Variants in TMCO4 observed in about 807,000 individuals in gnomAD.
The protein encoded by TMCO4 is transmembrane and coiled-coil domain-containing protein 4.
A neutral mutation model predicts 64.7 loss-of-function variants in TMCO4; 58 were observed. The observed-to-expected ratio is 0.90, with a 90% CI of 0.73 to 1.12. The LOEUF is 1.12. TMCO4 is among the 50% of genes most tolerant of loss of function. TMCO4 has a pLI of 0.00. For missense variants in TMCO4, 780 were observed against 825.9 expected, an observed-to-expected ratio of 0.94 and a Z score of 0.68; for synonymous variants, 325 against 346.1, an observed-to-expected ratio of 0.94 and a Z score of 0.68.
At position 19,700,767 on chromosome 1, in the gene TMCO4, C is replaced by T; in HGVS notation, c.1382+1G>A. On this transcript the variant is annotated splice_donor_variant, in intron 14 of 15. Transcript: ENST00000294543. LOFTEE classifies it high-confidence loss of function. ...CCCGCTGGCACGAGGTTTGGACAGACCTGCAGTAGCCGTTGATGATCCTCC... is the reference window on the plus strand; with the variant it reads ...CCCGCTGGCACGAGGTTTGGACAGATCTGCAGTAGCCGTTGATGATCCTCC... 6.2e-7 allele frequency: 1 copy of T among 1,613,736 alleles called. No homozygotes were observed. The highest frequency in any genetic ancestry group is 8.5e-7 in the Non-Finnish European group (1 of 1,179,614).
chr1:19,797,998 GAAAAGA>G (rs2044417844), intron 2 of TMCO4, 133 bp downstream of exon 2: 1 of 177,756 alleles, frequency 5.6e-6, no homozygotes, highest in South Asian at 1.4e-4. Flanking sequence ...GAAAAGAAAA[GAAAAGA>G]AAAGAAAAGA....
intron 3 of TMCO4, among the ~76,000 whole-genome samples, chr1:19,781,144 C>CAAAAAA (rs535767635): frequency 2.3e-4 from 12 of 52,590 alleles, no homozygotes; most frequent in Non-Finnish European, 3.4e-4. Context: ...GACTCCATCT[C>CAAAAAA]AAAAAAAAAA....
intron 2 of TMCO4, among the ~76,000 whole-genome samples, chr1:19,789,832 C>T (rs149694262): frequency 1.3e-4 from 20 of 152,110 alleles, no homozygotes; most frequent in African/African-American, 4.8e-4. Flanking sequence ...GCAGGTGGAT[C>T]TCTTGAGCCC....
rs911666861 is a variant in TMCO4 at position 19,732,793 on chromosome 1, G to A, written c.1264+4579C>T. On this transcript the variant is annotated intron_variant, in intron 13 of 15. Coordinates refer to ENST00000294543, the MANE Select transcript of TMCO4 (RefSeq NM_181719.7). This position sits in a 1 kb window ranked among gnomAD's most constrained non-coding sequence, Gnocchi z 4.8. ...CTTTTTTCTGAAGGTGACTACAGGG[G>A]GAAAATGCCAGCTGCACTTTTGTCC... 5.9e-5 allele frequency among the ~76,000 whole-genome samples: 9 copies of A among 152,106 alleles called. No homozygotes were observed. Among genetic ancestry groups the A allele is most frequent in the Admixed American group, 2.0e-4 (3 of 15,276 alleles).
At chr1:19,684,116 A>G (rs1213311060) in intron 15 of TMCO4, among the ~76,000 whole-genome samples, 1 of 125,892 alleles carries the variant, frequency 7.9e-6, no homozygotes, top group Non-Finnish European at 1.6e-5. Flanking sequence ...TTAAAATAGC[A>G]TGAGAAAAAA....
At chr1:19,685,716 T>TCC (rs2095143074) in intron 15 of TMCO4, among the ~76,000 whole-genome samples, 1 of 134,778 alleles carries the variant, frequency 7.4e-6, no homozygotes, top group African/African-American at 2.7e-5. Flanking sequence ...GTTTCTTTTT[T>TCC]TTTTTTTTTT....
Position 19,771,490 on chromosome 1 carries a change from G to A in TMCO4, c.180-8C>T. The A allele has an allele frequency of 1.9e-6, 3 of 1,612,848 alleles. No homozygotes were observed. Among genetic ancestry groups the A allele is most frequent in the Admixed American group, 1.7e-5 (1 of 59,960 alleles). On this transcript the variant is annotated splice_polypyrimidine_tract_variant and splice_region_variant and intron_variant, in intron 4 of 15. Transcript: ENST00000294543. Reference sequence around the variant, plus strand: ...AACTCTGTGCAGAAGGAGCTGAAAGGCAGACATGGCTTAGTTCTCCAGGAT... The same window carrying A: ...AACTCTGTGCAGAAGGAGCTGAAAGACAGACATGGCTTAGTTCTCCAGGAT...
intron 2 of TMCO4, among the ~76,000 whole-genome samples, chr1:19,797,773 A>G (rs905337584): frequency 1.3e-4 from 19 of 151,536 alleles, no homozygotes; most frequent in African/African-American, 4.6e-4. Context: ...CTGAGGCAGG[A>G]GAACCGCTTG....
In TMCO4 at chr1:19,683,302, G is replaced by T. The variant is rs1223858600; in HGVS notation, c.1643C>A (p.Ala548Asp). The change falls in exon 16 of 16, where the codon GCT (alanine) becomes GAT (aspartate). Residue 548 changes from alanine (A) to aspartate (D), a missense_variant. By Grantham distance (126) the Ala-to-Asp change is moderately radical (BLOSUM62 -2). Transcript: ENST00000294543. The part of the protein sequence containing the change: ...LPSEEPRQAA[A>D]AASSGETPHQ... ...GGGGGTCTCGCCTGATGAGGCGGCA[G>T]CTGCTGCCTGGCGAGGCTCCTCGGA... The T allele has an allele frequency of 1.2e-6, 2 of 1,614,074 alleles. No individual in the cohort carries two copies. Among genetic ancestry groups the T allele is most frequent in the Non-Finnish European group, 1.7e-6 (2 of 1,179,964 alleles).
At position 19,743,934 on chromosome 1, in the gene TMCO4, A is replaced by T. The variant is rs959621255; in HGVS notation, c.877+1598T>A. 2.0e-5 allele frequency among the ~76,000 whole-genome samples: 3 copies of T among 152,200 alleles called. No homozygotes were observed. Among genetic ancestry groups the T allele is most frequent in the Admixed American group, 6.5e-5 (1 of 15,278 alleles). ...CTATGCTGGTAAAATGCCAGACTCA[A>T]GGTAGGTGTGAACGAGGCGCTCACT... On this transcript the variant is annotated intron_variant, in intron 10 of 15. Coordinates refer to ENST00000294543, the MANE Select transcript of TMCO4 (RefSeq NM_181719.7). This position sits in a 1 kb window ranked among gnomAD's most constrained non-coding sequence, Gnocchi z 4.1.
chr1:19,754,542 G>A (rs904455712), intron 7 of TMCO4, among the ~76,000 whole-genome samples: 2 of 152,064 alleles, frequency 1.3e-5, no homozygotes, highest in Non-Finnish European at 2.9e-5. Flanking sequence ...GGCTGACCTC[G>A]GGTAACCTGG....
chr1:19,759,984 G>C (rs2042426075), intron 6 of TMCO4, among the ~76,000 whole-genome samples: 2 of 152,072 alleles, frequency 1.3e-5, no homozygotes, highest in African/African-American at 4.8e-5. Flanking sequence ...GCCCCAAGCA[G>C]CACAAAAGAC....
chr1:19,720,389 C>A (rs2095376830), intron 13 of TMCO4, among the ~76,000 whole-genome samples: 1 of 152,166 alleles, frequency 6.6e-6, no homozygotes, highest in African/African-American at 2.4e-5. Flanking sequence ...AGACTAAGTA[C>A]ATGGGGTCTG....
chr1:19,798,908 C>T (rs762446283), intron 1 of TMCO4, among the ~76,000 whole-genome samples: 8 of 152,362 alleles, frequency 5.3e-5, no homozygotes, highest in South Asian at 4.1e-4. Flanking sequence ...AAAAGAGTGT[C>T]ATATTTTCTG....
At chr1:19,683,637 C>T (rs2095121869) in intron 15 of TMCO4, among the ~76,000 whole-genome samples, 193 bp from the exon 16 acceptor site, 1 of 151,806 alleles carries the variant, frequency 6.6e-6, no homozygotes, top group South Asian at 2.1e-4. Flanking sequence ...CAAAGCTGTT[C>T]TAGAATTTAT....
At chr1:19,752,445 C>T (rs953766333) in intron 7 of TMCO4, among the ~76,000 whole-genome samples, 1 of 152,212 alleles carries the variant, frequency 6.6e-6, no homozygotes, top group Non-Finnish European at 1.5e-5. Flanking sequence ...GAGCAAGACG[C>T]CCGCATTGCC....
intron 4 of TMCO4, among the ~76,000 whole-genome samples, chr1:19,773,854 G>C (rs2043092735): frequency 6.6e-6 from 1 of 152,228 alleles, no homozygotes; most frequent in Non-Finnish European, 1.5e-5. Context: ...CAAGGTGGCA[G>C]AGGGAGGCAG....
intron 9 of TMCO4, 49 bp from the exon 10 acceptor site, chr1:19,745,700 G>A (rs781347246): frequency 5.1e-6 from 8 of 1,560,208 alleles, no homozygotes; most frequent in Admixed American, 1.8e-5. Flanking sequence ...GGGGCCCCGG[G>A]GAACATCAGG....
chr1:19,699,813 T>G (rs1470295312), intron 14 of TMCO4, among the ~76,000 whole-genome samples: 1 of 152,154 alleles, frequency 6.6e-6, no homozygotes, highest in Non-Finnish European at 1.5e-5. Context: ...TGCACACACA[T>G]ACACACATGT....
Sources: allele counts gnomAD v4.1 joint callset (sites outside exome capture counted in the v4.1 genomes callset), GRCh38; gene constraint gnomAD v4.1.1; non-coding constraint Gnocchi (gnomAD v3.1); transcripts MANE v1.5; gene names NCBI Gene and HGNC (gene_info 2026-07-23, HGNC 2026-07-21).